The following COL4A2 variants were observed in gnomAD, a reference collection of about 807,000 sequenced individuals.
The protein encoded by COL4A2 is collagen type IV alpha 2 chain, also known as collagen alpha-2(IV) chain.
Under a neutral mutation model 200.2 loss-of-function variants are expected in COL4A2, and 99 were observed. The ratio of observed to expected loss-of-function variants is 0.49; its 90% CI spans 0.42 to 0.58. The LOEUF is 0.58. Among genes scored for constraint, COL4A2 ranks in the 20% least tolerant of loss-of-function variants. COL4A2 has a pLI of 0.00. For synonymous variants in COL4A2, 897 were observed against 900.6 expected (o/e 1.00, Z 0.07); for missense variants, 1,950 against 2,314.1 (o/e 0.84, Z 3.23).
At chr13:110,382,579 A>G (rs1338683263) in intron 4 of COL4A2, among the ~76,000 whole-genome samples, 2 of 152,234 alleles carry the variant, frequency 1.3e-5, no homozygotes, top group Non-Finnish European at 2.9e-5. Context: ...TAAAATAAAT[A>G]CAATGTCACA....
rs371643774 is a variant in COL4A2, at chr13:110,479,826, G to C, written c.2588-394G>C. ...AATGGGCAGCTGGAGGGTCCCCCGG[G>C]ACTAACTCCGGGCTGGAGCCAGTGA... On this transcript the variant is annotated intron_variant, in intron 30 of 47. Transcript: ENST00000360467. Among the ~76,000 whole-genome samples the C allele has an allele frequency of 1.8e-3, 269 of 152,290 alleles. 3 individuals carry two copies. The highest frequency in any genetic ancestry group is 6.2e-3 in the African/African-American group (257 of 41,576).
intron 4 of COL4A2, among the ~76,000 whole-genome samples, chr13:110,420,825 G>A (rs1456055128): frequency 3.9e-5 from 6 of 152,298 alleles, no homozygotes; most frequent in African/African-American, 4.8e-5. Flanking sequence ...TGACCAAAGC[G>A]TGGCCTCCTC....
At chr13:110,382,919 T>C (rs1427367210) in intron 4 of COL4A2, among the ~76,000 whole-genome samples, 1 of 152,258 alleles carries the variant, frequency 6.6e-6, no homozygotes. Flanking sequence ...TTTCTGTTTA[T>C]ATTAACCTTA....
At chr13:110,451,688 T>C (rs1881543300) in intron 20 of COL4A2, among the ~76,000 whole-genome samples, 1 of 152,206 alleles carries the variant, frequency 6.6e-6, no homozygotes, top group Non-Finnish European at 1.5e-5. Context: ...GTCCCCACCA[T>C]GACATCTGGG....
intron 20 of COL4A2, among the ~76,000 whole-genome samples, chr13:110,454,709 A>C: frequency 6.7e-6 from 1 of 150,118 alleles, no homozygotes; most frequent in African/African-American, 2.5e-5. Flanking sequence ...CCCTCCCTGC[A>C]CTCCCCGCCG....
chr13:110,507,992 C>T lies in COL4A2; in HGVS notation c.4652C>T (p.Pro1551Leu), dbSNP rs1474345987. The T allele has an allele frequency of 1.9e-6, 3 of 1,614,234 alleles. No homozygotes were observed. In the South Asian group the frequency reaches 3.3e-5, roughly 18 times the overall value. Residue 1551 changes from proline (P) to leucine (L), a missense_variant, in exon 47 of 48, where the codon CCT becomes CTT. By Grantham distance (98) the Pro-to-Leu change is moderately conservative (BLOSUM62 -3). Coordinates refer to ENST00000360467, the MANE Select transcript of COL4A2 (RefSeq NM_001846.4). The part of the protein sequence containing the change: ...FSTMPFLYCN[P>L]GDVCYYASRN... ...ACCATGCCCTTCCTGTACTGCAACC[C>T]TGGTGATGTCTGCTACTATGCCAGC...
At chr13:110,402,527 C>G (rs1298062836) in intron 4 of COL4A2, among the ~76,000 whole-genome samples, 1 of 152,236 alleles carries the variant, frequency 6.6e-6, no homozygotes, top group Non-Finnish European at 1.5e-5. Flanking sequence ...GCACAGCCTT[C>G]ATTGCAGCTC....
At chr13:110,503,076 T>A (rs1883706721) in intron 41 of COL4A2, 45 bp from the exon 42 acceptor site, 2 of 1,590,344 alleles carry the variant, frequency 1.3e-6, no homozygotes, top group Non-Finnish European at 1.7e-6. Context: ...CCAGGGGCCT[T>A]GGGGCCCTGT....
chr13:110,499,345 T>C (rs392459), intron 40 of COL4A2, among the ~76,000 whole-genome samples: 86,336 of 152,080 alleles, frequency 0.57, 24,859 homozygotes, highest in South Asian at 0.67. Flanking sequence ...ACATCCTTCT[T>C]CACTGGCGGC....
rs149437842 is a variant in COL4A2, at chr13:110,340,718, A to G, written c.100-16754A>G. ...AGCACAAAGAACTGCACAGGGACAGAGAGTCTTTAGGGTCTCGAGCTCACT... is the reference window on the plus strand; with the variant it reads ...AGCACAAAGAACTGCACAGGGACAGGGAGTCTTTAGGGTCTCGAGCTCACT... On this transcript the variant is annotated intron_variant, in intron 3 of 47. Coordinates refer to ENST00000360467, the MANE Select transcript of COL4A2 (RefSeq NM_001846.4). Among the ~76,000 whole-genome samples, 798 of 152,274 alleles carry G rather than the reference A, an allele frequency of 5.2e-3. 5 individuals are homozygous for G. The highest frequency in any genetic ancestry group is 0.019 in the African/African-American group (774 of 41,558).
At chr13:110,411,196 C>G (rs772470190) in intron 4 of COL4A2, among the ~76,000 whole-genome samples, 2 of 152,180 alleles carry the variant, frequency 1.3e-5, no homozygotes, top group African/African-American at 2.4e-5. Flanking sequence ...TCCTGATTCC[C>G]CACAACTCCC....
In COL4A2 at chr13:110,338,435, G is replaced by GT. The variant is rs759477142; in HGVS notation, c.100-19037_100-19036insT. Reference sequence around the variant, plus strand: ...AAAAGACACAGAAAATGTTGTGTGTGGGGGGGGGTGGGGGTAAAATGCTCC... The same window carrying GT: ...AAAAGACACAGAAAATGTTGTGTGTGTGGGGGGGGTGGGGGTAAAATGCTCC... On this transcript the variant is annotated intron_variant, in intron 3 of 47. Coordinates refer to ENST00000360467, the MANE Select transcript of COL4A2 (RefSeq NM_001846.4). Among the ~76,000 whole-genome samples the GT allele has an allele frequency of 3.3e-3, 66 of 19,908 alleles. 1 individual carries two copies. The highest frequency in any genetic ancestry group is 0.1 in the Middle Eastern group (1 of 10). The allele number at this position is 19,908 out of a possible 152,430, so 13.1% of individuals were successfully genotyped here. A position where few individuals can be genotyped will look rare whatever the true frequency, so the allele number is the denominator to read the frequency against.
At chr13:110,402,567 G>A (rs917978764) in intron 4 of COL4A2, among the ~76,000 whole-genome samples, 10 of 152,222 alleles carry the variant, frequency 6.6e-5, no homozygotes, top group African/African-American at 2.4e-4. Flanking sequence ...TCACTCCACT[G>A]TTCTGGGTGC....
intron 3 of COL4A2, 144 bp from the exon 4 acceptor site, chr13:110,357,328 C>G: frequency 7.7e-7 from 1 of 1,293,562 alleles, no homozygotes; most frequent in African/African-American, 1.5e-5. Context: ...AAAAATTAGT[C>G]TATTTTTTTA....
rs759315132 is a variant in COL4A2 at position 110,512,127 on chromosome 13, C to T, written c.5075C>T (p.Thr1692Met). The part of the protein sequence containing the change: ...QSFQGSPSAD[T>M]LKAGLIRTHI... ...TTCCAGGGCTCGCCCTCCGCCGACA[C>T]GCTCAAGGCCGGCCTCATCCGCACA... The change falls in exon 48 of 48, where the codon ACG becomes ATG. Residue 1692 changes from threonine (T) to methionine (M), a missense_variant. Physicochemically the swap from Thr to Met is moderately conservative, Grantham distance 81. Around this residue, in one of 2 missense-constraint regions of COL4A2, gnomAD observed 1,385 missense variants for 1,720.5 expected, o/e 0.80. Coordinates refer to ENST00000360467, the MANE Select transcript of COL4A2 (RefSeq NM_001846.4). 6 of 1,613,374 alleles carry T rather than the reference C, an allele frequency of 3.7e-6. No individual in the cohort carries two copies. The highest frequency in any genetic ancestry group is 2.7e-5 in the African/African-American group (2 of 74,956).
intron 3 of COL4A2, among the ~76,000 whole-genome samples, chr13:110,331,482 G>A (rs1419449457): frequency 1.3e-5 from 2 of 152,176 alleles, no homozygotes; most frequent in African/African-American, 4.8e-5. Flanking sequence ...GCAGACTCAC[G>A]CCTGACCCTC....
rs376723022 is a variant in COL4A2 at position 110,375,346 on chromosome 13, C to G, written c.180+17794C>G. ...CGCAGTGCCTGTCACAGTGCAGAGG[C>G]TCAACAGATGGTGGATACTACCACG... On this transcript the variant is annotated intron_variant, in intron 4 of 47. Transcript: ENST00000360467. Among the ~76,000 whole-genome samples, 67 of 152,334 alleles carry G rather than the reference C, an allele frequency of 4.4e-4. 1 individual carries two copies. In the South Asian group the frequency reaches 0.014, roughly 31 times the overall value.
chr13:110,318,300 C>G (rs1885193249), intron 3 of COL4A2, among the ~76,000 whole-genome samples: 1 of 151,960 alleles, frequency 6.6e-6, no homozygotes, highest in African/African-American at 2.4e-5. Flanking sequence ...GAAGTCTGAT[C>G]AGTGTGTGTG....
At chr13:110,409,185 ACG>A (rs1879732724) in intron 4 of COL4A2, among the ~76,000 whole-genome samples, 3 of 152,146 alleles carry the variant, frequency 2.0e-5, no homozygotes, top group African/African-American at 7.2e-5. Context: ...ACACACATAC[ACG>A]CACATATACA....
Sources: allele counts gnomAD v4.1 joint callset (sites outside exome capture counted in the v4.1 genomes callset), GRCh38; gene constraint gnomAD v4.1.1; regional missense constraint gnomAD v4.1.1; transcripts MANE v1.5; gene names NCBI Gene and HGNC (gene_info 2026-07-23, HGNC 2026-07-21).